The following POGLUT3 variants were observed in gnomAD, a reference collection of about 807,000 sequenced individuals.
The protein encoded by POGLUT3 is KDEL (Lys-Asp-Glu-Leu) containing 2.
Under a neutral mutation model 54.3 loss-of-function variants are expected in POGLUT3, and 48 were observed. That is an observed-to-expected ratio of 0.88 (90% CI 0.70 to 1.12). POGLUT3 has a LOEUF of 1.12. Ranked by LOEUF, POGLUT3 falls within the 50% of genes most tolerant of loss-of-function variation. POGLUT3 has a pLI of 0.00. For missense variants in POGLUT3, 629 were observed against 618.7 expected, an observed-to-expected ratio of 1.02 and a Z score of -0.18; for synonymous variants, 218 against 237.4, an observed-to-expected ratio of 0.92 and a Z score of 0.75.
Position 108,479,497 on chromosome 11 carries a change from T to C in POGLUT3, c.1099-2A>G. 6.3e-7 allele frequency: 1 copy of C among 1,577,218 alleles called. No homozygotes were observed. The highest frequency in any genetic ancestry group is 8.6e-7 in the Non-Finnish European group (1 of 1,167,052). On this transcript the variant is annotated splice_acceptor_variant, in intron 5 of 7. Coordinates refer to ENST00000323468, the MANE Select transcript of POGLUT3 (RefSeq NM_153705.5). LOFTEE classifies it high-confidence loss of function. ...ATCCACATTTACTTGATACTTGTAC[T>C]GGAAGATGAAAAACAAACATAAACA...
chr11:108,491,257 T>A, intron 1 of POGLUT3, 90 bp from the exon 2 acceptor site: 1 of 1,076,286 alleles, frequency 9.3e-7, no homozygotes, highest in Non-Finnish European at 1.4e-6. Context: ...CTTAAATATG[T>A]TGCTTTTTCC....
intron 7 of POGLUT3, among the ~76,000 whole-genome samples, chr11:108,475,913 C>T (rs993655640): frequency 6.6e-6 from 1 of 151,968 alleles, no homozygotes; most frequent in Non-Finnish European, 1.5e-5. Flanking sequence ...AAAATTGAAA[C>T]TATTTGGGAG....
intron 2 of POGLUT3, among the ~76,000 whole-genome samples, chr11:108,487,859 G>A (rs980172080): frequency 2.0e-5 from 3 of 152,042 alleles, no homozygotes; most frequent in Non-Finnish European, 2.9e-5. Flanking sequence ...TGATCCACCT[G>A]CCTCGGCCTC....
rs182508169 is a variant in POGLUT3 at position 108,492,223 on chromosome 11, T to G, written c.203-1056A>C. On this transcript the variant is annotated intron_variant, in intron 1 of 7. Coordinates refer to ENST00000323468, the MANE Select transcript of POGLUT3 (RefSeq NM_153705.5). ...CCTTCAAAGTTTTGTGGGGTTTCTGTTCTACGTAAATAATAACTATTCAAC... is the reference window on the plus strand; with the variant it reads ...CCTTCAAAGTTTTGTGGGGTTTCTGGTCTACGTAAATAATAACTATTCAAC... 5.3e-5 allele frequency among the ~76,000 whole-genome samples: 8 copies of G among 152,372 alleles called. No homozygotes were observed. The East Asian group carries it at 9.6e-4, about 18-fold the overall frequency.
intron 1 of POGLUT3, among the ~76,000 whole-genome samples, chr11:108,495,322 T>C (rs1473086848): frequency 2.0e-5 from 3 of 152,168 alleles, no homozygotes; most frequent in Non-Finnish European, 4.4e-5. Context: ...AGCTGTGCAC[T>C]ACCACGCCTG....
intron 2 of POGLUT3, among the ~76,000 whole-genome samples, chr11:108,488,037 T>G (rs570305671): frequency 1.3e-5 from 2 of 151,898 alleles, no homozygotes; most frequent in Non-Finnish European, 2.9e-5. Context: ...TGTTGTTGTT[T>G]TTTTGAGATG....
In POGLUT3 at chr11:108,498,303, C is replaced by T. The variant is rs751814190; in HGVS notation, c.64G>A (p.Ala22Thr). Residue 22 changes from alanine (A) to threonine (T), a missense_variant, in exon 1 of 8, where the codon GCC (alanine) becomes ACC (threonine). Transcript: ENST00000323468. ...LRLALLVAAG[A>T]PEVLVSAPRS... The stretch of plus-strand genomic sequence containing the variant: ...GGCGCGCTGACCAGCACCTCCGGGG[C>T]CCCCGCGGCCACCAGCAGGGCGAGG... The T allele has an allele frequency of 9.3e-5, 135 of 1,454,036 alleles. No homozygotes were observed. Among genetic ancestry groups the T allele is most frequent in the Non-Finnish European group, 1.2e-4 (130 of 1,100,070 alleles). The allele number at this position is 1,454,036 out of a possible 1,614,324, so 90.1% of individuals were successfully genotyped here.
At chr11:108,479,947 C>T (rs770262118) in intron 5 of POGLUT3, among the ~76,000 whole-genome samples, 24 of 152,112 alleles carry the variant, frequency 1.6e-4, no homozygotes, top group Non-Finnish European at 2.6e-4. Context: ...AATTCTGGTG[C>T]CTCAGCCTCC....
intron 1 of POGLUT3, among the ~76,000 whole-genome samples, chr11:108,492,593 G>GT (rs1028033051): frequency 4.0e-5 from 6 of 151,750 alleles, no homozygotes; most frequent in South Asian, 2.1e-4. Flanking sequence ...ATCTTTAAGG[G>GT]TTTTTTTTCT....
chr11:108,474,885 T>A lies in POGLUT3; in HGVS notation c.1466A>T (p.Glu489Val). 3 of 1,614,170 alleles carry A rather than the reference T, an allele frequency of 1.9e-6. No individual in the cohort carries two copies. The highest frequency in any genetic ancestry group is 2.5e-6 in the Non-Finnish European group (3 of 1,180,008). ...RDGMELVPQP[E>V]DSTAICQCHR... is the part of the protein sequence containing the mutation. ...GCACTGGCAGATGGCTGTGCTATCT[T>A]CTGGCTGAGGAACAAGTTCCATTCC... Residue 489 changes from glutamate to valine, a missense_variant, in exon 8 of 8, where the codon GAA becomes GTA. Glu to Val is a moderately radical substitution (Grantham distance 121, BLOSUM62 -2). Transcript: ENST00000323468.
chr11:108,496,518 TTAC>T (rs2093622500), intron 1 of POGLUT3, among the ~76,000 whole-genome samples: 1 of 152,214 alleles, frequency 6.6e-6, no homozygotes, highest in Non-Finnish European at 1.5e-5. Context: ...CCTAAATTAT[TTAC>T]TATCTGGCCC....
At chr11:108,495,091 AT>A (rs113116472) in intron 1 of POGLUT3, among the ~76,000 whole-genome samples, 7,915 of 152,280 alleles carry the variant, frequency 0.052, 666 homozygotes, top group African/African-American at 0.17. Flanking sequence ...TATATGTAGC[AT>A]AATAGTGGCA....
intron 2 of POGLUT3, among the ~76,000 whole-genome samples, chr11:108,488,093 AGCTCACTGCAACCTCCGCCTCCTGG>A (rs1565749917): frequency 6.6e-6 from 1 of 151,034 alleles, no homozygotes; most frequent in African/African-American, 2.4e-5. Flanking sequence ...GTGTGATCTC[AGCTCACTGCAACCTCCGCCTCCTGG>A]GTTCAAGTGA....
At chr11:108,491,435 G>C in intron 1 of POGLUT3, 1 of 558,228 alleles carries the variant, frequency 1.8e-6, no homozygotes, top group Non-Finnish European at 3.2e-6. Context: ...GCTCATTACA[G>C]CTCCAACCTC....
intron 1 of POGLUT3, among the ~76,000 whole-genome samples, 193 bp downstream of exon 1, chr11:108,497,972 T>A (rs990881119): frequency 2.0e-5 from 3 of 152,162 alleles, no homozygotes; most frequent in African/African-American, 7.2e-5. Flanking sequence ...CATTCATTCA[T>A]TCCACAAACT....
intron 6 of POGLUT3, 72 bp downstream of exon 6, chr11:108,479,229 A>G: frequency 1.0e-6 from 1 of 984,406 alleles, no homozygotes; most frequent in Non-Finnish European, 1.5e-6. Flanking sequence ...ATCAAATTGT[A>G]TTGTGATGGA....
chr11:108,487,267 T>C (rs1371160034), intron 2 of POGLUT3, among the ~76,000 whole-genome samples: 1 of 118,536 alleles, frequency 8.4e-6, no homozygotes, highest in East Asian at 2.9e-4. Context: ...CCAATGTACA[T>C]CTTAAATGTA....
intron 2 of POGLUT3, among the ~76,000 whole-genome samples, chr11:108,488,223 C>G (rs1471110895): frequency 6.6e-6 from 1 of 151,862 alleles, no homozygotes; most frequent in African/African-American, 2.4e-5. Context: ...CGGAGTTTTG[C>G]CATATTGGCC....
chr11:108,490,754 G>A (rs1398117514), intron 2 of POGLUT3, among the ~76,000 whole-genome samples: 1 of 151,542 alleles, frequency 6.6e-6, no homozygotes, highest in Non-Finnish European at 1.5e-5. Flanking sequence ...TTCGCAAATA[G>A]TAACTACATG....
Sources: gnomAD v4.1 joint callset for allele counts (sites outside exome capture counted in the v4.1 genomes callset) on GRCh38, gnomAD v4.1.1 for gene constraint, MANE v1.5 for transcripts, NCBI Gene and HGNC (gene_info 2026-07-23, HGNC 2026-07-21) for gene names.